MRPL42: variants seen among roughly 807,000 people sequenced by gnomAD.
MRPL42 encodes the protein large ribosomal subunit protein mL42.
A neutral mutation model predicts 17.9 loss-of-function variants in MRPL42; 17 were observed. That is an observed-to-expected ratio of 0.95 (90% CI 0.65 to 1.42). MRPL42 has a LOEUF of 1.42. MRPL42 is among the 40% of genes most tolerant of loss of function. MRPL42 has a pLI of 0.00. For missense variants in MRPL42, 177 were observed against 175.2 expected (o/e 1.01, Z -0.06); for synonymous variants, 59 against 54.4 (o/e 1.08, Z -0.37).
At chr12:93,488,645 A>C (rs1161147490) in intron 5 of MRPL42, among the ~76,000 whole-genome samples, 1 of 152,106 alleles carries the variant, frequency 6.6e-6, no homozygotes, top group African/African-American at 2.4e-5. Flanking sequence ...GGGTACAGAA[A>C]ATGATTGGGC....
At chr12:93,467,671 C>T (rs1376279083) in intron 1 of MRPL42, 117 bp downstream of exon 1, 2 of 152,690 alleles carry the variant, frequency 1.3e-5, no homozygotes, top group Non-Finnish European at 2.9e-5. Flanking sequence ...GGCGAGGTTG[C>T]CTGCATCCCC....
At chr12:93,479,352 A>T in intron 3 of MRPL42, 36 bp from the exon 4 acceptor site, 1 of 1,479,566 alleles carries the variant, frequency 6.8e-7, no homozygotes, top group Non-Finnish European at 9.2e-7. Flanking sequence ...CCTTGAATAC[A>T]GTATAACTTT....
rs1248037263 is a variant in MRPL42, at chr12:93,503,960, A to G, written c.*2739A>G. 2 of 148,174 alleles carry G rather than the reference A, an allele frequency of 1.3e-5. No homozygotes were observed. Among genetic ancestry groups the G allele is most frequent in the Non-Finnish European group, 3.0e-5 (2 of 66,960 alleles). 9.2% of individuals were successfully genotyped at this position (148,174 alleles called of 1,614,324 possible). A position where few individuals can be genotyped will look rare whatever the true frequency, so the allele number is the denominator to read the frequency against. ...GCTGTTATTAACATCCTGGTGGATTATTACCATTTTCTTTTTTTATTTTTT... is the reference window on the plus strand; with the variant it reads ...GCTGTTATTAACATCCTGGTGGATTGTTACCATTTTCTTTTTTTATTTTTT... On this transcript the variant is annotated 3_prime_UTR_variant, in exon 6 of 6. Transcript: ENST00000549982.
At chr12:93,470,667 C>A in intron 2 of MRPL42, 1 of 667,010 alleles carries the variant, frequency 1.5e-6, no homozygotes, top group Non-Finnish European at 2.0e-6. Context: ...TCTTTGTGTC[C>A]ATATGTACCC....
At position 93,515,773 on chromosome 12, in the gene MRPL42, TG is replaced by T. The variant is rs1308739969; in HGVS notation, c.*14553del. 1 of 152,218 alleles carries T rather than the reference TG, an allele frequency of 6.6e-6. No individual in the cohort carries two copies. Among genetic ancestry groups the T allele is most frequent in the African/African-American group, 2.4e-5 (1 of 41,454 alleles). The allele number at this position is 152,218 out of a possible 1,614,324, so 9.4% of individuals were successfully genotyped here. On this transcript the variant is annotated 3_prime_UTR_variant, in exon 6 of 6. Transcript: ENST00000549982. ...TGACTTGGCATTCACAGCTAGGCTA[TG>T]TTATTTTCCTATTGGGCATAAGTCT...
intron 2 of MRPL42, among the ~76,000 whole-genome samples, chr12:93,473,279 A>G (rs1257543299): frequency 6.6e-6 from 1 of 151,768 alleles, no homozygotes; most frequent in Non-Finnish European, 1.5e-5. Flanking sequence ...TTTTTTTTTC[A>G]AGGTGAAGTC....
intron 5 of MRPL42, among the ~76,000 whole-genome samples, chr12:93,500,214 C>A (rs748834669): frequency 6.6e-5 from 10 of 152,102 alleles, no homozygotes; most frequent in Non-Finnish European, 1.5e-4. Context: ...CTGTGTTCTT[C>A]CTTAATATTT....
intron 4 of MRPL42, among the ~76,000 whole-genome samples, chr12:93,486,633 C>T (rs1050760189): frequency 2.6e-5 from 4 of 151,764 alleles, no homozygotes; most frequent in East Asian, 1.9e-4. Context: ...CCACCGCACC[C>T]GGCCAAAAAA....
intron 5 of MRPL42, among the ~76,000 whole-genome samples, chr12:93,499,464 A>G (rs1252848095): frequency 6.6e-6 from 1 of 152,172 alleles, no homozygotes; most frequent in South Asian, 2.1e-4. Context: ...ATTTTTACAA[A>G]TAATTTCAAG....
intron 3 of MRPL42, among the ~76,000 whole-genome samples, chr12:93,478,137 G>A (rs1374607523): frequency 1.3e-5 from 2 of 150,418 alleles, no homozygotes; most frequent in Admixed American, 6.6e-5. Context: ...TGTATTTTTT[G>A]TAGAAACGGG....
chr12:93,481,873 C>T (rs1293803967), intron 4 of MRPL42, among the ~76,000 whole-genome samples: 1 of 152,212 alleles, frequency 6.6e-6, no homozygotes, highest in Non-Finnish European at 1.5e-5. Context: ...CACAGTCCCT[C>T]ATGTATCTCA....
rs864371 is a variant in MRPL42, at chr12:93,512,419, A to G, written c.*11198A>G. 6.6e-6 allele frequency: 1 copy of G among 152,206 alleles called. No homozygotes were observed. Among genetic ancestry groups the G allele is most frequent in the Non-Finnish European group, 1.5e-5 (1 of 68,032 alleles). The allele number at this position is 152,206 out of a possible 1,614,324, so 9.4% of individuals were successfully genotyped here. ...GTGAGCCAAGATTGTGCCACTGCAC[A>G]CCAGCCTGGATAAAAAGAGTGAAAC... On this transcript the variant is annotated 3_prime_UTR_variant, in exon 6 of 6. Coordinates refer to ENST00000549982, the MANE Select transcript of MRPL42 (RefSeq NM_014050.4).
At position 93,516,201 on chromosome 12, in the gene MRPL42, A is replaced by C. The variant is rs901195457; in HGVS notation, c.*14980A>C. The C allele has an allele frequency of 2.0e-5, 3 of 152,206 alleles. No individual in the cohort carries two copies. Among genetic ancestry groups the C allele is most frequent in the African/African-American group, 7.2e-5 (3 of 41,448 alleles). The allele number at this position is 152,206 out of a possible 1,614,324, so 9.4% of individuals were successfully genotyped here. A position where few individuals can be genotyped will look rare whatever the true frequency, so the allele number is the denominator to read the frequency against. On this transcript the variant is annotated 3_prime_UTR_variant, in exon 6 of 6. Coordinates refer to ENST00000549982, the MANE Select transcript of MRPL42 (RefSeq NM_014050.4). ...CTTTGCTGCAATGAGTAATAAACTC[A>C]ACTTGTTTAACTAGAGGTGTGTTCC...
chr12:93,476,285 C>T (rs1443934285), intron 2 of MRPL42, among the ~76,000 whole-genome samples: 5 of 152,200 alleles, frequency 3.3e-5, no homozygotes, highest in Middle Eastern at 3.4e-3. Context: ...CTCCTGGGTT[C>T]GAGCAATTCT....
chr12:93,497,860 A>G (rs1199406456), intron 5 of MRPL42, among the ~76,000 whole-genome samples: 1 of 150,018 alleles, frequency 6.7e-6, no homozygotes, highest in Non-Finnish European at 1.5e-5. Flanking sequence ...ACTCAGAAAC[A>G]CTCTAGGCCT....
At chr12:93,481,843 G>A (rs1259933185) in intron 4 of MRPL42, among the ~76,000 whole-genome samples, 1 of 152,048 alleles carries the variant, frequency 6.6e-6, no homozygotes, top group Non-Finnish European at 1.5e-5. Context: ...AACCTACATC[G>A]ATTGATCCAA....
At chr12:93,488,551 T>C (rs1953353843) in intron 5 of MRPL42, 1 of 337,128 alleles carries the variant, frequency 3.0e-6, no homozygotes, top group Admixed American at 4.8e-5. Context: ...TTGTTTTTGT[T>C]CATTTTCCTG....
chr12:93,488,427 A>G (rs1013877162), intron 5 of MRPL42: 17 of 396,672 alleles, frequency 4.3e-5, no homozygotes, highest in African/African-American at 2.9e-4. Context: ...AGCTAAAATG[A>G]AATAGTACTT....
intron 2 of MRPL42, among the ~76,000 whole-genome samples, chr12:93,473,760 G>T (rs1485350821): frequency 1.3e-5 from 2 of 151,094 alleles, no homozygotes; most frequent in African/African-American, 2.4e-5. Flanking sequence ...TAGAGATGGA[G>T]TTTTGCCATG....
Sources: allele counts gnomAD v4.1 joint callset (sites outside exome capture counted in the v4.1 genomes callset), GRCh38; gene constraint gnomAD v4.1.1; transcripts MANE v1.5; gene names NCBI Gene and HGNC (gene_info 2026-07-23, HGNC 2026-07-21).